The following EPHA2 variants were observed in gnomAD, a reference collection of about 807,000 sequenced individuals.
EPHA2 encodes EPH receptor A2.
EPHA2 carries 54 observed loss-of-function variants against 104.9 expected under a neutral mutation model. The ratio of observed to expected loss-of-function variants is 0.51; its 90% CI spans 0.41 to 0.65. The LOEUF (loss-of-function observed/expected upper bound fraction) is 0.65. Among genes scored for constraint, EPHA2 ranks in the 30% least tolerant of loss-of-function variants. The pLI is 0.00. For missense variants in EPHA2, 1,117 were observed against 1,369.5 expected, an observed-to-expected ratio of 0.82 and a Z score of 2.91; for synonymous variants, 560 against 559.1, an observed-to-expected ratio of 1.00 and a Z score of -0.02.
intron 3 of EPHA2, among the ~76,000 whole-genome samples, chr1:16,139,705 A>C (rs1176294469): frequency 6.6e-6 from 1 of 152,166 alleles, no homozygotes; most frequent in Non-Finnish European, 1.5e-5. Context: ...GGGAGTTAGG[A>C]GTGAGAAAGT....
rs1415183988 is a variant in EPHA2 at position 16,132,376 on chromosome 1, A to G, written c.2115+2T>C. 1 of 1,613,824 alleles carries G rather than the reference A, an allele frequency of 6.2e-7. No homozygotes were observed. On this transcript the variant is annotated splice_donor_variant, in intron 12 of 16. Coordinates refer to ENST00000358432, the MANE Select transcript of EPHA2 (RefSeq NM_004431.5). LOFTEE classifies it high-confidence loss of function. ...CCCGCCCCCTACAACCCACATCCTT[A>G]CCCGAAGGAACTTGTCCAGGGCCCC...
At chr1:16,136,391 G>A (rs1175242109) in intron 5 of EPHA2, among the ~76,000 whole-genome samples, 3 of 150,978 alleles carry the variant, frequency 2.0e-5, no homozygotes, top group Non-Finnish European at 4.4e-5. Context: ...AGGCCGAGGC[G>A]GGAGGATTGC....
chr1:16,136,121 T>C (rs1441480020), intron 5 of EPHA2, among the ~76,000 whole-genome samples: 1 of 151,866 alleles, frequency 6.6e-6, no homozygotes, highest in Non-Finnish European at 1.5e-5. Context: ...TCCTCCTGCC[T>C]CAACCTCCCA....
chr1:16,135,066 C>G lies in EPHA2; in HGVS notation c.1552G>C (p.Gly518Arg). Reference protein sequence around the residue: ...QALTQEGQGAGSKVHEFQTLS... With the variant: ...QALTQEGQGARSKVHEFQTLS... ...GTCTGGAATTCGTGCACCTTGCTGC[C>G]GGCCCCCTGGCCCTCCTGCGTCAGT... The change falls in exon 7 of 17, where the codon GGC (glycine) becomes CGC (arginine). Residue 518 changes from glycine (G) to arginine (R), a missense_variant. This residue lies in a region of EPHA2 where 664 missense variants were observed against 784.8 expected (regional missense o/e 0.85). Coordinates refer to ENST00000358432, the MANE Select transcript of EPHA2 (RefSeq NM_004431.5). The surrounding 1 kb of genome is among the most constrained non-coding windows in gnomAD (Gnocchi z 4.3). 6.2e-7 allele frequency: 1 copy of G among 1,613,586 alleles called. No homozygotes were observed. Among genetic ancestry groups the G allele is most frequent in the Non-Finnish European group, 8.5e-7 (1 of 1,180,036 alleles).
rs2024548492 is a variant in EPHA2 at position 16,130,294 on chromosome 1, G to A, written c.2601C>T (p.Ile867=). ...ERARRPKFAD[I]VSILDKLIRA... is the part of the protein sequence containing the mutation. ...GAATGAGCTTGTCCAGGATGCTGAC[G>A]ATGTCAGCGAACTTGGGGCGGCGGG... is the stretch of plus-strand genomic sequence containing the variant. Residue 867 remains isoleucine, a synonymous_variant, in exon 15 of 17, where the codon ATC becomes ATT. Coordinates refer to ENST00000358432, the MANE Select transcript of EPHA2 (RefSeq NM_004431.5). This position sits in a 1 kb window ranked among gnomAD's most constrained non-coding sequence, Gnocchi z 4.5. The A allele has an allele frequency of 6.8e-6, 11 of 1,612,626 alleles. No homozygotes were observed. Among genetic ancestry groups the A allele is most frequent in the Non-Finnish European group, 9.3e-6 (11 of 1,178,956 alleles).
At position 16,138,272 on chromosome 1, in the gene EPHA2, C is replaced by CA. The variant is rs2024757533; in HGVS notation, c.979+2dup. The CA allele has an allele frequency of 1.4e-5, 22 of 1,613,404 alleles. No homozygotes were observed. The highest frequency in any genetic ancestry group is 1.9e-5 in the Non-Finnish European group (22 of 1,179,852). ...CGCCACCCTGACCCACTGCAAGACTCACGTGTGCAAGGCATCGACGCTGGG... is the reference window on the plus strand; with the variant it reads ...CGCCACCCTGACCCACTGCAAGACTCAACGTGTGCAAGGCATCGACGCTGGG... On this transcript the variant is annotated splice_region_variant and intron_variant, in intron 4 of 16. Transcript: ENST00000358432.
chr1:16,146,003 G>T (rs766305907), intron 3 of EPHA2, among the ~76,000 whole-genome samples: 1 of 152,200 alleles, frequency 6.6e-6, no homozygotes, highest in Non-Finnish European at 1.5e-5. Flanking sequence ...CTCAGCGCCT[G>T]CCCCTCGGAC....
chr1:16,152,949 C>CCGCCCTGA, intron 1 of EPHA2, among the ~76,000 whole-genome samples: 1 of 152,304 alleles, frequency 6.6e-6, no homozygotes. Flanking sequence ...CTGGGTCCCT[C>CCGCCCTGA]CGCCCTGACG....
Position 16,150,852 on chromosome 1 carries a change from C to T in EPHA2, c.153+44G>A. 5 of 1,603,022 alleles carry T rather than the reference C, an allele frequency of 3.1e-6. No homozygotes were observed. Among genetic ancestry groups the T allele is most frequent in the Non-Finnish European group, 4.3e-6 (5 of 1,169,980 alleles). On this transcript the variant is annotated intron_variant, in intron 2 of 16. Transcript: ENST00000358432. The surrounding 1 kb of genome is among the most constrained non-coding windows in gnomAD (Gnocchi z 4.8). The stretch of plus-strand genomic sequence containing the variant: ...TTTCTCCATCTCTACAGGGGACCAG[C>T]AGCCCCATTCTCACACCTCTCCCCA...
intron 1 of EPHA2, among the ~76,000 whole-genome samples, chr1:16,154,190 C>A (rs1251490166): frequency 6.6e-6 from 1 of 152,160 alleles, no homozygotes. Flanking sequence ...GTGATTCCAG[C>A]TGTCTCTCCC....
At position 16,135,602 on chromosome 1, in the gene EPHA2, C is replaced by A. The variant is rs1268629452; in HGVS notation, c.1428+53G>T. 6.6e-7 allele frequency: 1 copy of A among 1,524,254 alleles called. No homozygotes were observed. The highest frequency in any genetic ancestry group is 9.1e-7 in the Non-Finnish European group (1 of 1,098,676). The allele number at this position is 1,524,254 out of a possible 1,614,324, so 94.4% of individuals were successfully genotyped here. A position where few individuals can be genotyped will look rare whatever the true frequency, so the allele number is the denominator to read the frequency against. On this transcript the variant is annotated intron_variant, in intron 6 of 16. Transcript: ENST00000358432. The surrounding 1 kb of genome is among the most constrained non-coding windows in gnomAD (Gnocchi z 4.3). ...TTTGGTGATCATCTATGTGACCAGC[C>A]TGTCCCCTGCTGTCGGCCCAGCTAG...
At chr1:16,141,754 G>A (rs1238337992) in intron 3 of EPHA2, among the ~76,000 whole-genome samples, 3 of 152,260 alleles carry the variant, frequency 2.0e-5, no homozygotes, top group South Asian at 2.1e-4. Context: ...TGGCCCCAGC[G>A]CCCGGGGGTG....
At chr1:16,132,306 G>A (rs1254367461) in intron 12 of EPHA2, 33 bp from the exon 13 acceptor site, 1 of 1,613,890 alleles carries the variant, frequency 6.2e-7, no homozygotes, top group East Asian at 2.2e-5. Flanking sequence ...CTGCAGGCCA[G>A]CCCTGAACCC....
chr1:16,153,493 C>T (rs1156685311), intron 1 of EPHA2, among the ~76,000 whole-genome samples: 3 of 152,236 alleles, frequency 2.0e-5, no homozygotes, highest in African/African-American at 7.2e-5. Context: ...GCACCCCCTG[C>T]CACCCGCCCA....
At chr1:16,136,710 A>AAAGAG (rs2024704782) in intron 5 of EPHA2, among the ~76,000 whole-genome samples, 2 of 91,486 alleles carry the variant, frequency 2.2e-5, no homozygotes, top group African/African-American at 2.8e-4. Context: ...AAGAAGAAGA[A>AAAGAG]GAAAAGAAGA....
In EPHA2 at chr1:16,148,934, TC is replaced by T; in HGVS notation, c.266del (p.Gly89GlufsTer73). On this transcript the variant is annotated frameshift_variant, in exon 3 of 17. Coordinates refer to ENST00000358432, the MANE Select transcript of EPHA2 (RefSeq NM_004431.5). LOFTEE classifies it high-confidence loss of function. This position sits in a 1 kb window ranked among gnomAD's most constrained non-coding sequence, Gnocchi z 4.9. The part of the protein sequence containing the change: ...NWLRTNWVYR[G>X]EAERIFIELK... ...GCTCAATGAAGATACGCTCAGCCTC[TC>T]CTCGGTACACCCAGTTGGTGCGGAG... 6.2e-7 allele frequency: 1 copy of T among 1,614,120 alleles called. No individual in the cohort carries two copies. The highest frequency in any genetic ancestry group is 8.5e-7 in the Non-Finnish European group (1 of 1,180,046).
chr1:16,143,243 A>G (rs993186357), intron 3 of EPHA2, among the ~76,000 whole-genome samples: 102 of 149,596 alleles, frequency 6.8e-4, no homozygotes, highest in African/African-American at 2.3e-3. Context: ...TGGATGGATG[A>G]GTGGATGGGT....
chr1:16,153,314 C>CTT (rs2025081436), intron 1 of EPHA2: 1 of 985,312 alleles, frequency 1.0e-6, no homozygotes, highest in Non-Finnish European at 1.2e-6. Flanking sequence ...CCATTCCTCT[C>CTT]TAACCAAGAC....
At position 16,125,064 on chromosome 1, in the gene EPHA2, G is replaced by A. The variant is rs373108711; in HGVS notation, c.*151C>T. 2.5e-5 allele frequency: 18 copies of A among 733,418 alleles called. No homozygotes were observed. Among genetic ancestry groups the A allele is most frequent in the Admixed American group, 8.3e-5 (4 of 48,370 alleles). 45.4% of individuals were successfully genotyped at this position (733,418 alleles called of 1,614,324 possible). On this transcript the variant is annotated 3_prime_UTR_variant, in exon 17 of 17. Coordinates refer to ENST00000358432, the MANE Select transcript of EPHA2 (RefSeq NM_004431.5). The surrounding 1 kb of genome is among the most constrained non-coding windows in gnomAD (Gnocchi z 4.9). Reference sequence around the variant, plus strand: ...TGGTCATCTCCTCAGTTCAGGCCAGGGTGTCATCCGAGACCCCTCAGCGGA... The same window carrying A: ...TGGTCATCTCCTCAGTTCAGGCCAGAGTGTCATCCGAGACCCCTCAGCGGA...
Sources: gnomAD v4.1 joint callset for allele counts (sites outside exome capture counted in the v4.1 genomes callset) on GRCh38, gnomAD v4.1.1 for gene constraint, gnomAD v4.1.1 regional missense constraint, Gnocchi (gnomAD v3.1) non-coding constraint, MANE v1.5 for transcripts, NCBI Gene and HGNC (gene_info 2026-07-23, HGNC 2026-07-21) for gene names.